CSMD1: variants seen among roughly 807,000 people sequenced by gnomAD.
CSMD1 encodes CUB and Sushi multiple domains 1.
Under a neutral mutation model 417.5 loss-of-function variants are expected in CSMD1, and 213 were observed. The ratio of observed to expected loss-of-function variants is 0.51; its 90% CI spans 0.46 to 0.57. The LOEUF (loss-of-function observed/expected upper bound fraction) is 0.57. Ranked by LOEUF, CSMD1 falls within the 20% of genes least tolerant of loss-of-function variation. CSMD1 has a pLI of 0.00. For synonymous variants in CSMD1, 2,862 were observed against 1,736.8 expected (o/e 1.65, Z -16.11); for missense variants, 6,923 against 4,529.7 (o/e 1.53, Z -15.17).
At chr8:4,322,176 C>T (rs997841194) in intron 3 of CSMD1, among the ~76,000 whole-genome samples, 2 of 152,116 alleles carry the variant, frequency 1.3e-5, no homozygotes, top group Non-Finnish European at 2.9e-5. Flanking sequence ...TAAAAGTTTC[C>T]TATTTTAACA....
chr8:3,707,460 T>C (rs192480357), intron 7 of CSMD1, among the ~76,000 whole-genome samples: 7 of 152,138 alleles, frequency 4.6e-5, no homozygotes, highest in South Asian at 2.1e-4. Flanking sequence ...CAGGGAAGCA[T>C]AGAAAACACA....
At chr8:3,623,669 A>G (rs972031094) in intron 7 of CSMD1, among the ~76,000 whole-genome samples, 2 of 152,168 alleles carry the variant, frequency 1.3e-5, no homozygotes, top group Non-Finnish European at 2.9e-5. Context: ...AACTGAGGCC[A>G]GAGTTAAGAA....
At chr8:4,143,816 T>A (rs13264106) in intron 3 of CSMD1, among the ~76,000 whole-genome samples, 1 of 150,920 alleles carries the variant, frequency 6.6e-6, no homozygotes. Flanking sequence ...AGGGCCTAGT[T>A]ACACAGTTTT....
At chr8:4,167,922 G>T (rs940750993) in intron 3 of CSMD1, among the ~76,000 whole-genome samples, 1 of 152,006 alleles carries the variant, frequency 6.6e-6, no homozygotes, top group Non-Finnish European at 1.5e-5. Flanking sequence ...GAGGTCAGGA[G>T]TTCAAGACCA....
At chr8:4,834,250 G>C (rs961478636) in intron 1 of CSMD1, among the ~76,000 whole-genome samples, 12 of 152,172 alleles carry the variant, frequency 7.9e-5, no homozygotes, top group African/African-American at 1.2e-4. Flanking sequence ...AATATGTTTA[G>C]AAGGTAGGAC....
intron 5 of CSMD1, among the ~76,000 whole-genome samples, chr8:3,825,874 A>G (rs1384495199): frequency 6.6e-6 from 1 of 152,248 alleles, no homozygotes; most frequent in Non-Finnish European, 1.5e-5. Context: ...CACTAGGGCA[A>G]GATCAGAAAC....
At chr8:4,310,166 G>T (rs147906237) in intron 3 of CSMD1, among the ~76,000 whole-genome samples, 2 of 152,118 alleles carry the variant, frequency 1.3e-5, no homozygotes, top group Non-Finnish European at 2.9e-5. Context: ...CCCAGGTATT[G>T]CATCAGACCA....
rs769736326 is a variant in CSMD1 at position 3,284,370 on chromosome 8, C to G, written c.3951-24G>C. 96 of 1,580,754 alleles carry G rather than the reference C, an allele frequency of 6.1e-5. 1 individual carries two copies. Among genetic ancestry groups the G allele is most frequent in the Non-Finnish European group, 7.6e-5 (88 of 1,151,602 alleles). On this transcript the variant is annotated intron_variant, in intron 25 of 69. Transcript: ENST00000635120. The stretch of plus-strand genomic sequence containing the variant: ...GGCTGCAAGAGAGAACACAGTAGCG[C>G]TACTTGCCGTGCATCGAGCATGTCC...
chr8:3,790,424 G>C (rs746342421), intron 5 of CSMD1, among the ~76,000 whole-genome samples: 1 of 152,148 alleles, frequency 6.6e-6, no homozygotes, highest in African/African-American at 2.4e-5. Context: ...GGTGATAACA[G>C]TATTATAATG....
At chr8:3,940,755 GTT>G (rs763029635) in intron 5 of CSMD1, among the ~76,000 whole-genome samples, 44 of 150,924 alleles carry the variant, frequency 2.9e-4, no homozygotes, top group Non-Finnish European at 8.9e-5. Context: ...TTTTCAAATT[GTT>G]TTGTTGTATA....
chr8:2,970,133 G>C (rs567614013), intron 57 of CSMD1, among the ~76,000 whole-genome samples: 1 of 152,214 alleles, frequency 6.6e-6, no homozygotes, highest in East Asian at 1.9e-4. Flanking sequence ...TAGATAGATT[G>C]GGAAGTGAAA....
chr8:3,663,495 G>A (rs1585038205), intron 7 of CSMD1, among the ~76,000 whole-genome samples: 1 of 152,004 alleles, frequency 6.6e-6, no homozygotes, highest in South Asian at 2.1e-4. Context: ...TGAACCTCAG[G>A]GCCCCAAAAT....
At chr8:3,544,635 G>A (rs966689040) in intron 10 of CSMD1, among the ~76,000 whole-genome samples, 7 of 152,208 alleles carry the variant, frequency 4.6e-5, no homozygotes, top group South Asian at 2.1e-4. Context: ...GGAACGGACC[G>A]TCCAATCTGA....
At chr8:4,438,145 C>T (rs377089052) in intron 2 of CSMD1, among the ~76,000 whole-genome samples, 9 of 152,152 alleles carry the variant, frequency 5.9e-5, no homozygotes, top group African/African-American at 2.2e-4. Context: ...ATTGAGTGTG[C>T]TTCCTGATTT....
intron 3 of CSMD1, among the ~76,000 whole-genome samples, chr8:4,040,027 T>G (rs1467192603): frequency 1.3e-5 from 2 of 149,986 alleles, no homozygotes; most frequent in African/African-American, 4.8e-5. Flanking sequence ...CTGTTAAAAT[T>G]ATTTTCCCAA....
At chr8:3,542,948 C>T (rs761026734) in intron 10 of CSMD1, among the ~76,000 whole-genome samples, 14 of 138,786 alleles carry the variant, frequency 1.0e-4, no homozygotes, top group African/African-American at 4.0e-4. Context: ...TTGGGGGACC[C>T]GCTGGCAGTG....
intron 3 of CSMD1, among the ~76,000 whole-genome samples, chr8:4,191,515 G>A (rs974757684): frequency 6.6e-6 from 1 of 152,164 alleles, no homozygotes; most frequent in Non-Finnish European, 1.5e-5. Context: ...TGGTGAAGTG[G>A]AGGTCACTAA....
chr8:3,890,123 T>C (rs1489478844), intron 5 of CSMD1, among the ~76,000 whole-genome samples: 1 of 152,194 alleles, frequency 6.6e-6, no homozygotes, highest in Non-Finnish European at 1.5e-5. Flanking sequence ...ATAACTTTGA[T>C]AGTTTATTAT....
intron 26 of CSMD1, among the ~76,000 whole-genome samples, chr8:3,269,579 A>C (rs1380310224): frequency 6.6e-6 from 1 of 152,190 alleles, no homozygotes; most frequent in African/African-American, 2.4e-5. Flanking sequence ...TTTACGGAGA[A>C]ATCAATCTCG....
Sources: allele counts gnomAD v4.1 joint callset (sites outside exome capture counted in the v4.1 genomes callset), GRCh38; gene constraint gnomAD v4.1.1; transcripts MANE v1.5; gene names NCBI Gene and HGNC (gene_info 2026-07-23, HGNC 2026-07-21).